The following CCDC13 variants were observed in gnomAD, a reference collection of about 807,000 sequenced individuals.
CCDC13 encodes coiled-coil domain-containing protein 13.
Under a neutral mutation model 87.3 loss-of-function variants are expected in CCDC13, and 70 were observed. The ratio of observed to expected loss-of-function variants is 0.80; its 90% CI spans 0.66 to 0.98. The LOEUF (loss-of-function observed/expected upper bound fraction) is 0.98. CCDC13 is among the 50% of genes least tolerant of loss of function. CCDC13 has a pLI of 0.00. For missense variants in CCDC13, 842 were observed against 892.0 expected, an observed-to-expected ratio of 0.94 and a Z score of 0.71; for synonymous variants, 317 against 360.3, an observed-to-expected ratio of 0.88 and a Z score of 1.36.
intron 9 of CCDC13, among the ~76,000 whole-genome samples, chr3:42,736,351 T>C (rs182958169): frequency 4.6e-5 from 7 of 152,286 alleles, no homozygotes; most frequent in African/African-American, 9.6e-5. Context: ...AGGAGACTCC[T>C]GGGCAAAGGC....
chr3:42,705,479 G>A (rs1394759654), downstream of CCDC13, among the ~76,000 whole-genome samples: 1 of 152,210 alleles, frequency 6.6e-6, no homozygotes, highest in Non-Finnish European at 1.5e-5. Context: ...TGTCAGTGCT[G>A]GAACCTGAGC....
intron 9 of CCDC13, among the ~76,000 whole-genome samples, chr3:42,736,980 G>A (rs1380170733): frequency 1.3e-5 from 2 of 152,118 alleles, no homozygotes; most frequent in Non-Finnish European, 2.9e-5. Context: ...TTGATACATA[G>A]GTATACATAT....
Position 42,714,361 on chromosome 3 carries a change from C to A in CCDC13, c.1719-1045G>T, listed in dbSNP as rs75313546. On this transcript the variant is annotated intron_variant, in intron 13 of 15. Transcript: ENST00000310232. ...GGCATAGACACCAAAAGCCTGTCTA[C>A]GTTAGGACAATTAGTTAGAGCCATG... 5.1e-4 allele frequency among the ~76,000 whole-genome samples: 78 copies of A among 152,316 alleles called. No homozygotes were observed. The East Asian group carries it at 0.013, about 25-fold the overall frequency.
intron 1 of CCDC13, among the ~76,000 whole-genome samples, chr3:42,769,676 C>G (rs959127891): frequency 6.6e-6 from 1 of 152,244 alleles, no homozygotes; most frequent in Non-Finnish European, 1.5e-5. Flanking sequence ...TGGCCAAGGC[C>G]GGAGCTGGCT....
chr3:42,704,651 T>G (rs1698128817), downstream of CCDC13: 1 of 151,994 alleles, frequency 6.6e-6, no homozygotes, highest in African/African-American at 2.4e-5. Context: ...TGTGCGGAAA[T>G]GGCAAGAGGG....
At position 42,737,740 on chromosome 3, in the gene CCDC13, C is replaced by T. The variant is rs189317745; in HGVS notation, c.1165-1827G>A. 4.5e-3 allele frequency among the ~76,000 whole-genome samples: 687 copies of T among 152,256 alleles called. 29 individuals carry two copies. In the East Asian group the frequency reaches 0.1, roughly 22 times the overall value. On this transcript the variant is annotated intron_variant, in intron 9 of 15. Transcript: ENST00000310232. ...TTGAGAAGCGTCTGTTCATATCCTT[C>T]GCCCACTTTTTGATGGGGTTGTTTT... is the stretch of plus-strand genomic sequence containing the variant.
chr3:42,730,496 G>A lies in CCDC13; in HGVS notation c.1689C>T (p.Leu563=). 1 of 1,614,108 alleles carries A rather than the reference G, an allele frequency of 6.2e-7. No individual in the cohort carries two copies. The highest frequency in any genetic ancestry group is 8.5e-7 in the Non-Finnish European group (1 of 1,179,948). ...TCTGCAGGACAGTGACAAACTCGGT[G>A]AGCCGGTCACGCTCCACCTCGGCAG... ...WQAAEVERDR[L]TEFVTVLQKR... The change falls in exon 13 of 16, where the codon CTC becomes CTT. Residue 563 remains leucine, a synonymous_variant. Transcript: ENST00000310232.
intron 1 of CCDC13, among the ~76,000 whole-genome samples, 157 bp from the exon 2 acceptor site, chr3:42,758,508 A>C (rs1341344582): frequency 2.0e-5 from 3 of 152,176 alleles, no homozygotes; most frequent in Non-Finnish European, 4.4e-5. Flanking sequence ...ACCTCAGATC[A>C]CTAGAAACCC....
chr3:42,770,997 A>G (rs1700074202), intron 1 of CCDC13: 1 of 152,278 alleles, frequency 6.6e-6, no homozygotes, highest in Non-Finnish European at 1.5e-5. Flanking sequence ...AGTCAGTGAG[A>G]CCAAGAACCC....
intron 13 of CCDC13, among the ~76,000 whole-genome samples, chr3:42,715,982 A>C (rs1698422476): frequency 6.6e-6 from 1 of 152,218 alleles, no homozygotes; most frequent in Admixed American, 6.5e-5. Context: ...GTATTCTGTT[A>C]TAGCAACACA....
At position 42,747,268 on chromosome 3, in the gene CCDC13, TC is replaced by T; in HGVS notation, c.708del (p.Met237TrpfsTer79). On this transcript the variant is annotated frameshift_variant, in exon 6 of 16. Coordinates refer to ENST00000310232, the MANE Select transcript of CCDC13 (RefSeq NM_144719.4). LOFTEE classifies it high-confidence loss of function. ...TGGCTCTGAAAGACCTTCTGTGCCA[TC>T]CGCAGCTCCTGCTTCACAGACTGGA... is the stretch of plus-strand genomic sequence containing the variant. The part of the protein sequence containing the change: ...NQIQSVKQEL[R>X]MAQKVLAREV... 6.2e-7 allele frequency: 1 copy of T among 1,613,884 alleles called. No individual in the cohort carries two copies. Among genetic ancestry groups the T allele is most frequent in the Non-Finnish European group, 8.5e-7 (1 of 1,179,836 alleles).
At chr3:42,770,730 G>C (rs907248127) in intron 1 of CCDC13, 1 of 153,062 alleles carries the variant, frequency 6.5e-6, no homozygotes. Context: ...GTGAAGGTCT[G>C]CAGCTTCACT....
chr3:42,730,695 C>A, intron 12 of CCDC13, 106 bp from the exon 13 acceptor site: 1 of 1,456,218 alleles, frequency 6.9e-7, no homozygotes, highest in South Asian at 1.3e-5. Flanking sequence ...GGGCGAATGT[C>A]AGCCAGAGCA....
At chr3:42,733,704 A>G in intron 10 of CCDC13, 95 bp from the exon 11 acceptor site, 3 of 1,445,736 alleles carry the variant, frequency 2.1e-6, no homozygotes, top group Non-Finnish European at 2.7e-6. Flanking sequence ...GGGCTTTCAG[A>G]GGATATGAAA....
intron 1 of CCDC13, among the ~76,000 whole-genome samples, chr3:42,762,932 G>A (rs1346056121): frequency 3.3e-5 from 5 of 152,136 alleles, no homozygotes; most frequent in African/African-American, 1.2e-4. Flanking sequence ...CTGGGTGACA[G>A]TCAGACCCTG....
intron 1 of CCDC13, among the ~76,000 whole-genome samples, chr3:42,768,041 G>C (rs1296972693): frequency 6.7e-6 from 1 of 150,374 alleles, no homozygotes; most frequent in African/African-American, 2.4e-5. Context: ...TGAAGAAACA[G>C]ACAAATGAAT....
chr3:42,745,077 T>C (rs1438506330), intron 7 of CCDC13: 1 of 152,006 alleles, frequency 6.6e-6, no homozygotes, highest in African/African-American at 2.4e-5. Context: ...TTGGAGTTTT[T>C]CCCCCTTTAT....
chr3:42,712,172 A>G (rs189893038), intron 14 of CCDC13, among the ~76,000 whole-genome samples: 3 of 151,988 alleles, frequency 2.0e-5, no homozygotes, highest in African/African-American at 7.3e-5. Flanking sequence ...ACTGAGACCA[A>G]GGGTCTGACC....
At chr3:42,741,814 C>T (rs939747439) in intron 8 of CCDC13, among the ~76,000 whole-genome samples, 5 of 152,240 alleles carry the variant, frequency 3.3e-5, no homozygotes, top group African/African-American at 1.2e-4. Context: ...CATACAAAGC[C>T]CAGCAGGCCC....
Sources: allele counts gnomAD v4.1 joint callset (sites outside exome capture counted in the v4.1 genomes callset), GRCh38; gene constraint gnomAD v4.1.1; transcripts MANE v1.5; gene names NCBI Gene and HGNC (gene_info 2026-07-23, HGNC 2026-07-21).